The following NAA35 variants were observed in gnomAD, a reference collection of about 807,000 sequenced individuals.
The protein encoded by NAA35 is N-alpha-acetyltransferase 35, NatC auxiliary subunit, also known as MAK10 homolog, amino-acid N-acetyltransferase subunit.
NAA35 carries 18 observed loss-of-function variants against 101.7 expected under a neutral mutation model. The ratio of observed to expected loss-of-function variants is 0.18; its 90% CI spans 0.12 to 0.26. NAA35 has a LOEUF of 0.26. Among genes scored for constraint, NAA35 ranks in the 10% least tolerant of loss-of-function variants. The pLI is 1.00. For missense variants in NAA35, 601 were observed against 886.8 expected (o/e 0.68, Z 4.09); for synonymous variants, 267 against 273.1 (o/e 0.98, Z 0.22).
chr9:86,019,188 G>C (rs933035559), intron 21 of NAA35, among the ~76,000 whole-genome samples: 1 of 152,190 alleles, frequency 6.6e-6, no homozygotes, highest in African/African-American at 2.4e-5. Flanking sequence ...GCCAGGCGTG[G>C]TGGCTCACAC....
chr9:86,014,257 T>C, intron 17 of NAA35: 1 of 398,226 alleles, frequency 2.5e-6, no homozygotes, highest in Non-Finnish European at 3.4e-6. Context: ...GAATGAGGTC[T>C]GTCTTCTTGG....
chr9:85,961,898 C>A, intron 5 of NAA35, 115 bp from the exon 6 acceptor site: 2 of 643,334 alleles, frequency 3.1e-6, no homozygotes, highest in South Asian at 3.8e-5. Context: ...TTTTTTAAGT[C>A]TTGTGATTAA....
intron 2 of NAA35, among the ~76,000 whole-genome samples, chr9:85,954,631 T>A (rs941742465): frequency 6.6e-6 from 1 of 152,180 alleles, no homozygotes; most frequent in Non-Finnish European, 1.5e-5. Flanking sequence ...TTTTTGTCTT[T>A]TTTTAGCCGT....
intron 22 of NAA35, among the ~76,000 whole-genome samples, chr9:86,021,526 G>A (rs1832554174): frequency 6.6e-6 from 1 of 152,082 alleles, no homozygotes; most frequent in African/African-American, 2.4e-5. Context: ...CTCCTGCCCT[G>A]GTTTCCTACT....
intron 11 of NAA35, among the ~76,000 whole-genome samples, chr9:85,982,913 C>T (rs1830491747): frequency 6.6e-6 from 1 of 152,118 alleles, no homozygotes; most frequent in African/African-American, 2.4e-5. Flanking sequence ...CTATTTTTAG[C>T]CACTGATAGA....
At chr9:85,968,260 G>C (rs1185082830) in intron 6 of NAA35, among the ~76,000 whole-genome samples, 2 of 152,150 alleles carry the variant, frequency 1.3e-5, no homozygotes, top group Non-Finnish European at 2.9e-5. Context: ...ACCCAGGCTG[G>C]AGTTCAGTGG....
At chr9:85,991,279 G>A (rs1323338183) in intron 11 of NAA35, among the ~76,000 whole-genome samples, 1 of 152,088 alleles carries the variant, frequency 6.6e-6, no homozygotes, top group Non-Finnish European at 1.5e-5. Context: ...GCAGAGTAGG[G>A]TGGTGAAACC....
At chr9:86,021,349 G>T (rs1832540582) in intron 22 of NAA35, among the ~76,000 whole-genome samples, 1 of 152,222 alleles carries the variant, frequency 6.6e-6, no homozygotes, top group Admixed American at 6.5e-5. Flanking sequence ...AGAAGAGGAA[G>T]AGTCTAAGCT....
intron 11 of NAA35, chr9:85,986,484 C>G (rs979656075): frequency 1.7e-5 from 8 of 469,280 alleles, no homozygotes; most frequent in African/African-American, 4.0e-5. Flanking sequence ...TCTCTGACAT[C>G]TTCTAGAGAT....
rs757669473 is a variant in NAA35, at chr9:85,942,220, A to G, written c.61A>G (p.Lys21Glu). The change falls in exon 2 of 23, where the codon AAA becomes GAA. Residue 21 changes from lysine to glutamate, a missense_variant. Lys to Glu is a moderately conservative substitution (Grantham distance 56). Coordinates refer to ENST00000361671, the MANE Select transcript of NAA35 (RefSeq NM_024635.4). ...DSGWELSMPEKMEKSNTNWVD... is the reference protein window; with the variant it reads ...DSGWELSMPEEMEKSNTNWVD... ...AGGATGGGAGCTCAGTATGCCAGAA[A>G]AAATGGAGAAAAGCAATACAAACTG... 1.2e-6 allele frequency: 2 copies of G among 1,614,190 alleles called. No individual in the cohort carries two copies. The highest frequency in any genetic ancestry group is 1.7e-6 in the Non-Finnish European group (2 of 1,180,030).
chr9:85,966,219 C>T (rs565783304), intron 6 of NAA35, among the ~76,000 whole-genome samples: 1 of 152,228 alleles, frequency 6.6e-6, no homozygotes, highest in South Asian at 2.1e-4. Context: ...GGAATTATAG[C>T]TGTGAGCCAC....
chr9:85,990,964 C>G (rs1367145088), intron 11 of NAA35, among the ~76,000 whole-genome samples: 2 of 152,094 alleles, frequency 1.3e-5, no homozygotes, highest in African/African-American at 4.8e-5. Flanking sequence ...TGGAATAGTT[C>G]AAGATACCTT....
chr9:86,015,610 T>C (rs1832170205), intron 17 of NAA35: 1 of 483,018 alleles, frequency 2.1e-6, no homozygotes, highest in African/African-American at 2.1e-5. Flanking sequence ...GGTGAACTGC[T>C]GCTGGCCCAG....
chr9:85,943,742 A>G (rs967028682), intron 2 of NAA35, among the ~76,000 whole-genome samples: 4 of 152,170 alleles, frequency 2.6e-5, no homozygotes, highest in South Asian at 2.1e-4. Flanking sequence ...AGTAATCTCT[A>G]TTAGGGGGCT....
chr9:85,974,491 G>T (rs970072633), intron 6 of NAA35, among the ~76,000 whole-genome samples: 2 of 152,106 alleles, frequency 1.3e-5, no homozygotes, highest in African/African-American at 2.4e-5. Context: ...GACTATAGTG[G>T]AACATGGTTT....
chr9:85,981,895 A>T (rs546333607), intron 11 of NAA35, among the ~76,000 whole-genome samples: 6 of 152,310 alleles, frequency 3.9e-5, no homozygotes, highest in Non-Finnish European at 7.4e-5. Context: ...TTGCCTTCTG[A>T]TTATATTACA....
intron 6 of NAA35, among the ~76,000 whole-genome samples, chr9:85,963,024 C>CA (rs1382127146): frequency 4.6e-5 from 7 of 151,136 alleles, no homozygotes; most frequent in African/African-American, 7.3e-5. Flanking sequence ...CCTAGGACTA[C>CA]AAAAAAAAGA....
intron 12 of NAA35, among the ~76,000 whole-genome samples, chr9:86,002,704 C>T (rs1831468642): frequency 2.0e-5 from 3 of 152,062 alleles, no homozygotes; most frequent in African/African-American, 7.2e-5. Context: ...CTCTGTCAGA[C>T]CTTTTAGGTT....
At chr9:85,946,115 TA>T (rs368853035) in intron 2 of NAA35, among the ~76,000 whole-genome samples, 1,556 of 149,830 alleles carry the variant, frequency 0.01, 31 homozygotes, top group Middle Eastern at 0.034. Context: ...CTTGCTTTCT[TA>T]AAAAAAAAAT....
Sources: allele counts gnomAD v4.1 joint callset (sites outside exome capture counted in the v4.1 genomes callset), GRCh38; gene constraint gnomAD v4.1.1; transcripts MANE v1.5; gene names NCBI Gene and HGNC (gene_info 2026-07-23, HGNC 2026-07-21).